The following ATAD3A variants were observed in gnomAD, a reference collection of about 807,000 sequenced individuals.
The protein encoded by ATAD3A is ATPase family AAA domain-containing protein 3A.
ATAD3A carries 46 observed loss-of-function variants against 73.8 expected under a neutral mutation model. The observed-to-expected ratio is 0.62, with a 90% CI of 0.49 to 0.80. The LOEUF is 0.80. Among genes scored for constraint, ATAD3A ranks in the 30% least tolerant of loss-of-function variants. The pLI, the probability that ATAD3A is intolerant of heterozygous loss-of-function variation, is 0.00. For synonymous variants in ATAD3A, 319 were observed against 350.0 expected (o/e 0.91, Z 0.99); for missense variants, 705 against 838.0 (o/e 0.84, Z 1.96).
chr1:1,534,607 C>G lies in ATAD3A; in HGVS notation c.*535C>G, dbSNP rs959286905. On this transcript the variant is annotated 3_prime_UTR_variant, in exon 16 of 16. Transcript: ENST00000378756. ...GGGAACCTGGCGGGGGTGTCTGAGG[C>G]CGCACTGTCAGCTGGCCGGTCCAAG... 44 of 196,416 alleles carry G rather than the reference C, an allele frequency of 2.2e-4. No individual in the cohort carries two copies. Among genetic ancestry groups the G allele is most frequent in the African/African-American group, 9.6e-4 (41 of 42,838 alleles). 12.2% of individuals were successfully genotyped at this position (196,416 alleles called of 1,614,324 possible).
At chr1:1,531,195 C>G (rs1642022314) in intron 15 of ATAD3A, among the ~76,000 whole-genome samples, 1 of 152,136 alleles carries the variant, frequency 6.6e-6, no homozygotes, top group African/African-American at 2.4e-5. Context: ...TGGCTCACAC[C>G]TGTAATCCTA....
chr1:1,523,163 C>G lies in ATAD3A; in HGVS notation c.906+264C>G, dbSNP rs977550002. Among the ~76,000 whole-genome samples, 1 of 151,960 alleles carries G rather than the reference C, an allele frequency of 6.6e-6. No individual in the cohort carries two copies. Among genetic ancestry groups the G allele is most frequent in the African/African-American group, 2.4e-5 (1 of 41,288 alleles). ...AGCACATCGGGGTCCTTGCAAGACC[C>G]GGGACTTGGGTGTGCGGCCGTCTAT... is the stretch of plus-strand genomic sequence containing the variant. On this transcript the variant is annotated intron_variant, in intron 8 of 15. Coordinates refer to ENST00000378756, the MANE Select transcript of ATAD3A (RefSeq NM_001170535.3). The surrounding 1 kb of genome is among the most constrained non-coding windows in gnomAD (Gnocchi z 5.1).
intron 1 of ATAD3A, among the ~76,000 whole-genome samples, chr1:1,513,895 C>T (rs1641275683): frequency 6.6e-6 from 1 of 152,112 alleles, no homozygotes; most frequent in South Asian, 2.1e-4. Flanking sequence ...CCTCCTCTGT[C>T]CCTTGAGGCT....
chr1:1,525,677 G>A (rs1398672785), intron 12 of ATAD3A, among the ~76,000 whole-genome samples: 2 of 151,956 alleles, frequency 1.3e-5, no homozygotes, highest in Admixed American at 1.3e-4. Flanking sequence ...GCCTCCCAAA[G>A]TGCTGGGATT....
Position 1,518,776 on chromosome 1 carries a change from C to T in ATAD3A, c.445-145C>T, listed in dbSNP as rs1039926192. ...GTCACCCGCCTGCACATTCGGGCAC[C>T]GTCACCCCCCGCAAACGGGCACCGT... On this transcript the variant is annotated intron_variant, in intron 4 of 15. Coordinates refer to ENST00000378756, the MANE Select transcript of ATAD3A (RefSeq NM_001170535.3). 166 of 1,520,706 alleles carry T rather than the reference C, an allele frequency of 1.1e-4. 1 individual carries two copies. The highest frequency in any genetic ancestry group is 1.7e-4 in the Middle Eastern group (1 of 5,804). The allele number at this position is 1,520,706 out of a possible 1,614,324, so 94.2% of individuals were successfully genotyped here.
At chr1:1,525,965 TCTGAAGTG>T (rs1417413295) in intron 12 of ATAD3A, among the ~76,000 whole-genome samples, 1 of 151,836 alleles carries the variant, frequency 6.6e-6, no homozygotes, top group Non-Finnish European at 1.5e-5. Context: ...CCCTTGACGT[TCTGAAGTG>T]CTGGGATTAC....
chr1:1,527,725 A>T lies in ATAD3A; in HGVS notation c.1368A>T (p.Pro456=), dbSNP rs976672488. The change falls in exon 14 of 16, where the codon CCA becomes CCT. Residue 456 remains proline, a synonymous_variant. Coordinates refer to ENST00000378756, the MANE Select transcript of ATAD3A (RefSeq NM_001170535.3). ...TGCTGGTCCTGGCCAGCAACCAACCAGAGCAGTTCGACTGGGCCATCAATG... is the reference window on the plus strand; with the variant it reads ...TGCTGGTCCTGGCCAGCAACCAACCTGAGCAGTTCGACTGGGCCATCAATG... ...KFMLVLASNQ[P]EQFDWAINDR... 6.2e-7 allele frequency: 1 copy of T among 1,613,654 alleles called. No homozygotes were observed. The highest frequency in any genetic ancestry group is 1.3e-5 in the African/African-American group (1 of 75,044).
intron 15 of ATAD3A, among the ~76,000 whole-genome samples, chr1:1,533,572 C>T (rs915451803): frequency 1.3e-5 from 2 of 152,130 alleles, no homozygotes; most frequent in African/African-American, 2.4e-5. Context: ...CACTATGACC[C>T]GGGGGCACTG....
intron 2 of ATAD3A, chr1:1,517,071 G>A (rs1641382412): frequency 2.0e-6 from 3 of 1,508,238 alleles, no homozygotes; most frequent in African/African-American, 2.8e-5. Flanking sequence ...CCAAAAGGGG[G>A]TGTCCGGCCT....
At position 1,527,871 on chromosome 1, in the gene ATAD3A, C is replaced by T. The variant is rs1276953474; in HGVS notation, c.1505+9C>T. ...GCCACAGAAGGAAAGCAGTAAGTGTCCCGCCCCACCAGCCCCCGTCCAGGG... is the reference window on the plus strand; with the variant it reads ...GCCACAGAAGGAAAGCAGTAAGTGTTCCGCCCCACCAGCCCCCGTCCAGGG... On this transcript the variant is annotated intron_variant, in intron 14 of 15. Transcript: ENST00000378756. 5.6e-6 allele frequency: 9 copies of T among 1,608,944 alleles called. No homozygotes were observed. The highest frequency in any genetic ancestry group is 2.5e-6 in the Non-Finnish European group (3 of 1,177,004).
In ATAD3A at chr1:1,512,512, G is replaced by C. The variant is rs1485864927; in HGVS notation, c.205+39G>C. The C allele has an allele frequency of 1.5e-4, 129 of 874,224 alleles. 2 individuals carry two copies. The African/African-American group carries it at 1.9e-3, about 13-fold the overall frequency. The allele number at this position is 874,224 out of a possible 1,614,324, so 54.2% of individuals were successfully genotyped here. A position where few individuals can be genotyped will look rare whatever the true frequency, so the allele number is the denominator to read the frequency against. On this transcript the variant is annotated intron_variant, in intron 1 of 15. Coordinates refer to ENST00000378756, the MANE Select transcript of ATAD3A (RefSeq NM_001170535.3). ...GGCGGGGCGGCGCGGGCGGGCGGGCGGGACGGGCCGGGGAAGCGGGAGCCC... is the reference window on the plus strand; with the variant it reads ...GGCGGGGCGGCGCGGGCGGGCGGGCCGGACGGGCCGGGGAAGCGGGAGCCC...
chr1:1,524,201 C>A, intron 10 of ATAD3A, 72 bp from the exon 11 acceptor site: 2 of 1,612,600 alleles, frequency 1.2e-6, no homozygotes, highest in South Asian at 2.2e-5. Flanking sequence ...CTCCACACTC[C>A]GGGTGGAGTG....
At position 1,529,224 on chromosome 1, in the gene ATAD3A, C is replaced by T. The variant is rs200101143; in HGVS notation, c.1507C>T (p.Arg503Cys). 7.9e-5 allele frequency: 127 copies of T among 1,607,990 alleles called. No homozygotes were observed. In the East Asian group the frequency reaches 2.4e-3, roughly 30 times the overall value. Residue 503 changes from arginine (R) to cysteine (C), a missense_variant and splice_region_variant, in exon 15 of 16, where the codon CGC becomes TGC. This residue lies in a region of ATAD3A where 252 missense variants were observed against 278.5 expected (regional missense o/e 0.90). Transcript: ENST00000378756. ...VLKPATEGKQ[R>C]LKLAQFDYGR... ...CCCACTTGGGAACTCCTTCCCCAGG[C>T]GCCTGAAGCTGGCCCAGTTTGACTA...
chr1:1,515,166 C>T (rs535065174), intron 1 of ATAD3A, among the ~76,000 whole-genome samples: 95 of 152,316 alleles, frequency 6.2e-4, no homozygotes, highest in Admixed American at 1.0e-3. Flanking sequence ...CAGCCTCTGT[C>T]TCCGGGGTTC....
chr1:1,518,448 C>G (rs547444386), intron 4 of ATAD3A, among the ~76,000 whole-genome samples: 7 of 136,316 alleles, frequency 5.1e-5, no homozygotes, highest in Admixed American at 3.6e-4. Context: ...CATGGGCGCG[C>G]GTACACCCCC....
intron 2 of ATAD3A, among the ~76,000 whole-genome samples, chr1:1,516,810 C>G (rs557624819): frequency 2.6e-5 from 4 of 152,018 alleles, no homozygotes; most frequent in Non-Finnish European, 5.9e-5. Context: ...CTCTACCTCC[C>G]GGGTTCAACC....
intron 1 of ATAD3A, 142 bp from the exon 2 acceptor site, chr1:1,515,866 TAGGA>T (rs1235686717): frequency 1.2e-6 from 1 of 841,116 alleles, no homozygotes; most frequent in Non-Finnish European, 1.9e-6. Context: ...CAGGTCTGAC[TAGGA>T]AGGAGGATGG....
intron 15 of ATAD3A, 72 bp downstream of exon 15, chr1:1,529,403 C>A: frequency 6.6e-7 from 1 of 1,507,540 alleles, no homozygotes; most frequent in Non-Finnish European, 8.9e-7. Context: ...TGCGCCAGGC[C>A]TGTCCCAGCA....
rs1469719949 is a variant in ATAD3A at position 1,534,135 on chromosome 1, C to T, written c.*63C>T. 53 of 1,607,864 alleles carry T rather than the reference C, an allele frequency of 3.3e-5. No homozygotes were observed. The highest frequency in any genetic ancestry group is 1.1e-4 in the African/African-American group (8 of 74,626). On this transcript the variant is annotated 3_prime_UTR_variant, in exon 16 of 16. Coordinates refer to ENST00000378756, the MANE Select transcript of ATAD3A (RefSeq NM_001170535.3). ...CGGACCCCTCCCACCCCTGCCTTGCCGGCCCCTGCACATTTAGGATATGCT... is the reference window on the plus strand; with the variant it reads ...CGGACCCCTCCCACCCCTGCCTTGCTGGCCCCTGCACATTTAGGATATGCT...
Sources: allele counts gnomAD v4.1 joint callset (sites outside exome capture counted in the v4.1 genomes callset), GRCh38; gene constraint gnomAD v4.1.1; regional missense constraint gnomAD v4.1.1; non-coding constraint Gnocchi (gnomAD v3.1); transcripts MANE v1.5; gene names NCBI Gene and HGNC (gene_info 2026-07-23, HGNC 2026-07-21).